Variants in NDC80 observed in about 807,000 individuals in gnomAD.
The protein encoded by NDC80 is NDC80 kinetochore complex component.
NDC80 carries 69 observed loss-of-function variants against 89.3 expected under a neutral mutation model. That is an observed-to-expected ratio of 0.77 (90% CI 0.64 to 0.94). The LOEUF is 0.94. NDC80 is among the 40% of genes least tolerant of loss of function. NDC80 has a pLI of 0.00. For synonymous variants in NDC80, 243 were observed against 255.6 expected (o/e 0.95, Z 0.47); for missense variants, 593 against 739.6 (o/e 0.80, Z 2.30).
In NDC80 at chr18:2,601,423, A is replaced by T; in HGVS notation, c.1402A>T (p.Thr468Ser). 1 of 1,525,312 alleles carries T rather than the reference A, an allele frequency of 6.6e-7. No homozygotes were observed. Among genetic ancestry groups the T allele is most frequent in the Admixed American group, 1.9e-5 (1 of 53,940 alleles). 94.5% of individuals were successfully genotyped at this position (1,525,312 alleles called of 1,614,324 possible). Residue 468 changes from threonine (T) to serine (S), a missense_variant, in exon 13 of 17, where the codon ACT becomes TCT. By Grantham distance (58) the Thr-to-Ser change is moderately conservative. Transcript: ENST00000261597. ...YVPLKELLNE[T>S]EEEINKALNK... ...ACCTCTTAAGGAACTCCTGAATGAA[A>T]CTGAAGAAGAAATTAATAAAGCCCT...
In NDC80 at chr18:2,579,021, T is replaced by A. The variant is rs1314866955; in HGVS notation, c.571T>A (p.Cys191Ser). 5 of 1,532,844 alleles carry A rather than the reference T, an allele frequency of 3.3e-6. No individual in the cohort carries two copies. Among genetic ancestry groups the A allele is most frequent in the Non-Finnish European group, 4.4e-6 (5 of 1,139,140 alleles). 95.0% of individuals were successfully genotyped at this position (1,532,844 alleles called of 1,614,324 possible). Residue 191 changes from cysteine (C) to serine (S), a missense_variant, in exon 6 of 17, where the codon TGC becomes AGC. Physicochemically the swap from Cys to Ser is moderately radical, Grantham distance 112. Coordinates refer to ENST00000261597, the MANE Select transcript of NDC80 (RefSeq NM_006101.3). Reference protein sequence around the residue: ...IVAALVWLIDCIKIHTAMKES... With the variant: ...IVAALVWLIDSIKIHTAMKES... ...GGCAGCCTTAGTTTGGCTAATAGACTGCATCAAGGTATTTGATTTGTTCTT... is the reference window on the plus strand; with the variant it reads ...GGCAGCCTTAGTTTGGCTAATAGACAGCATCAAGGTATTTGATTTGTTCTT...
At chr18:2,596,870 T>C (rs2072659446) in intron 11 of NDC80, among the ~76,000 whole-genome samples, 1 of 151,574 alleles carries the variant, frequency 6.6e-6, no homozygotes, top group Admixed American at 6.6e-5. Flanking sequence ...GTTCATGTCC[T>C]TTGTAGGGAC....
chr18:2,575,696 G>A (rs567156297), intron 3 of NDC80, among the ~76,000 whole-genome samples: 52 of 152,230 alleles, frequency 3.4e-4, no homozygotes, highest in African/African-American at 6.3e-4. Context: ...AGGCCAAGGC[G>A]GGCAGATCAC....
chr18:2,580,625 A>G (rs950567768), intron 6 of NDC80, among the ~76,000 whole-genome samples: 1 of 151,802 alleles, frequency 6.6e-6, no homozygotes, highest in Non-Finnish European at 1.5e-5. Flanking sequence ...ATTAATAAAA[A>G]TCCAAGTTTC....
intron 16 of NDC80, among the ~76,000 whole-genome samples, chr18:2,612,016 T>C (rs2072747005): frequency 6.6e-6 from 1 of 151,982 alleles, no homozygotes. Context: ...TTTCAGCCAG[T>C]GTTATTCATC....
rs1359922604 is a variant in NDC80 at position 2,585,105 on chromosome 18, C to T, written c.580-8C>T. 9 of 1,607,868 alleles carry T rather than the reference C, an allele frequency of 5.6e-6. No homozygotes were observed. In the South Asian group the frequency reaches 9.9e-5, roughly 18 times the overall value. On this transcript the variant is annotated splice_region_variant and splice_polypyrimidine_tract_variant and intron_variant, in intron 6 of 16. Coordinates refer to ENST00000261597, the MANE Select transcript of NDC80 (RefSeq NM_006101.3). ...TCAACTTGCTTTTCTTGCTTGTGTA[C>T]TAATTAGATACATACTGCCATGAAA...
chr18:2,609,912 C>G (rs1421302316), intron 15 of NDC80, among the ~76,000 whole-genome samples: 1 of 152,206 alleles, frequency 6.6e-6, no homozygotes, highest in African/African-American at 2.4e-5. Flanking sequence ...CATAAGCAAA[C>G]ATGAAATTTG....
intron 6 of NDC80, among the ~76,000 whole-genome samples, chr18:2,583,501 C>T (rs1194559237): frequency 6.6e-6 from 1 of 151,502 alleles, no homozygotes; most frequent in Non-Finnish European, 1.5e-5. Flanking sequence ...AGGAGTTCGA[C>T]ACCAGCCTGG....
In NDC80 at chr18:2,575,030, C is replaced by A. The variant is rs766519914; in HGVS notation, c.143C>A (p.Pro48Gln). 1 of 1,611,282 alleles carries A rather than the reference C, an allele frequency of 6.2e-7. No individual in the cohort carries two copies. The highest frequency in any genetic ancestry group is 8.5e-7 in the Non-Finnish European group (1 of 1,178,402). The change falls in exon 3 of 17, where the codon CCG becomes CAG. Residue 48 changes from proline (P) to glutamine (Q), a missense_variant. Physicochemically the swap from Pro to Gln is moderately conservative, Grantham distance 76. Transcript: ENST00000261597. ...PTFGKLSINK[P>Q]TSERKVSLFG... ...TTTGGAAAGTTGAGTATAAACAAAC[C>A]GACATCTGAAAGAAAAGTCTCGCTA...
chr18:2,606,632 G>C (rs1054130749), intron 14 of NDC80, 125 bp downstream of exon 14: 6 of 502,564 alleles, frequency 1.2e-5, no homozygotes, highest in Non-Finnish European at 2.0e-5. Context: ...TTGTATCTTG[G>C]GTTAGTTTTC....
intron 8 of NDC80, among the ~76,000 whole-genome samples, chr18:2,588,174 A>G (rs907810779): frequency 6.6e-6 from 1 of 152,170 alleles, no homozygotes; most frequent in African/African-American, 2.4e-5. Context: ...TGACCTCCTG[A>G]CAAAGTGTAG....
intron 16 of NDC80, chr18:2,614,564 GGAAAGAAAGAAAGAAA>G (rs1182756541): frequency 7.4e-4 from 3 of 4,080 alleles, no homozygotes; most frequent in African/African-American, 9.4e-4. Flanking sequence ...AGGAAGGAAG[GGAAAGAAAGAAAGAAA>G]GAAAGAAAGA....
chr18:2,592,447 C>T lies in NDC80; in HGVS notation c.1015+2285C>T, dbSNP rs192945267. On this transcript the variant is annotated intron_variant, in intron 10 of 16. Transcript: ENST00000261597. ...CTTGGCTCACTGCAACCCTCGCCTC[C>T]GGGGTTCAAGCAAGTCTCCTCCCTC... Among the ~76,000 whole-genome samples, 555 of 151,642 alleles carry T rather than the reference C, an allele frequency of 3.7e-3. 5 individuals carry two copies. The highest frequency in any genetic ancestry group is 0.013 in the African/African-American group (540 of 41,346).
At chr18:2,595,657 T>C (rs527837569) in intron 11 of NDC80, 36 bp downstream of exon 11, 20 of 1,579,234 alleles carry the variant, frequency 1.3e-5, no homozygotes, top group Admixed American at 5.1e-5. Flanking sequence ...CAACTCATCA[T>C]AGCTGACCTT....
chr18:2,613,836 A>G (rs984652323), intron 16 of NDC80, among the ~76,000 whole-genome samples: 2 of 152,358 alleles, frequency 1.3e-5, no homozygotes, highest in South Asian at 2.1e-4. Context: ...TTAAAACACA[A>G]CTGGTAAAAG....
chr18:2,591,504 C>G (rs2072627310), intron 10 of NDC80, among the ~76,000 whole-genome samples: 1 of 151,690 alleles, frequency 6.6e-6, no homozygotes, highest in Non-Finnish European at 1.5e-5. Context: ...TGATTTAACT[C>G]TTAGTCTATG....
At chr18:2,589,053 T>C (rs751795758) in intron 8 of NDC80, 151 bp from the exon 9 acceptor site, 5 of 599,550 alleles carry the variant, frequency 8.3e-6, no homozygotes, top group Non-Finnish European at 1.5e-5. Context: ...ATGGAAAGGG[T>C]TTGCTGTTTT....
chr18:2,597,868 TGCCA>T (rs2072665448), intron 11 of NDC80, among the ~76,000 whole-genome samples: 1 of 152,068 alleles, frequency 6.6e-6, no homozygotes, highest in Non-Finnish European at 1.5e-5. Flanking sequence ...ATTGGGCAGG[TGCCA>T]CTCACTCAGG....
chr18:2,595,399 G>GT lies in NDC80; in HGVS notation c.1016-10dup. On this transcript the variant is annotated splice_polypyrimidine_tract_variant and intron_variant, in intron 10 of 16. Coordinates refer to ENST00000261597, the MANE Select transcript of NDC80 (RefSeq NM_006101.3). ...GAATTGAAGATACATTAAAAATTTGGTTTTTTTCCAACACAGAACTAGAAT... is the reference window on the plus strand; with the variant it reads ...GAATTGAAGATACATTAAAAATTTGGTTTTTTTTCCAACACAGAACTAGAAT... 1.2e-6 allele frequency: 2 copies of GT among 1,603,266 alleles called. No homozygotes were observed. Among genetic ancestry groups the GT allele is most frequent in the Non-Finnish European group, 8.5e-7 (1 of 1,174,078 alleles).
Sources: allele counts gnomAD v4.1 joint callset (sites outside exome capture counted in the v4.1 genomes callset), GRCh38; gene constraint gnomAD v4.1.1; transcripts MANE v1.5; gene names NCBI Gene and HGNC (gene_info 2026-07-23, HGNC 2026-07-21).